ZNF717: variants seen among roughly 807,000 people sequenced by gnomAD.
ZNF717 encodes krueppel-like factor X17.
ZNF717 carries 9 observed loss-of-function variants against 13.8 expected under a neutral mutation model. The ratio of observed to expected loss-of-function variants is 0.65; its 90% confidence interval spans 0.39 to 1.14. The LOEUF (loss-of-function observed/expected upper bound fraction) is 1.14. ZNF717 is among the 50% of genes most tolerant of loss of function. The pLI, the probability that ZNF717 is intolerant of heterozygous loss-of-function variation, is 0.01. For synonymous variants in ZNF717, 327 were observed against 364.1 expected, an observed-to-expected ratio of 0.90 and a Z score of 1.16; for missense variants, 1,040 against 1,080.7, an observed-to-expected ratio of 0.96 and a Z score of 0.53.
intron 5 of ZNF717, among the ~76,000 whole-genome samples, chr3:75,713,156 A>G (rs1399297220): frequency 6.6e-6 from 1 of 151,908 alleles, no homozygotes; most frequent in Non-Finnish European, 1.5e-5. Flanking sequence ...AAATTTTATT[A>G]TTTTATTTTA....
downstream of ZNF717, chr3:75,732,039 G>C: frequency 1.4e-6 from 1 of 702,782 alleles, no homozygotes; most frequent in East Asian, 2.7e-5. Context: ...TTATGAGGGA[G>C]CATAATATTG....
downstream of ZNF717, among the ~76,000 whole-genome samples, chr3:75,728,171 AC>A (rs1311320506): frequency 6.6e-6 from 1 of 152,262 alleles, no homozygotes. Flanking sequence ...TATGATGTTC[AC>A]AAAACAAAAA....
chr3:75,720,778 T>C (rs1938152740), intron 4 of ZNF717, among the ~76,000 whole-genome samples: 1 of 151,980 alleles, frequency 6.6e-6, no homozygotes, highest in Non-Finnish European at 1.5e-5. Flanking sequence ...AGGCCAGGAG[T>C]TCAAGGCCAG....
chr3:75,774,510 A>G (rs1190857886), intron 2 of ZNF717, among the ~76,000 whole-genome samples: 1 of 152,132 alleles, frequency 6.6e-6, no homozygotes, highest in Non-Finnish European at 1.5e-5. Flanking sequence ...CGTGGGAAGC[A>G]CTGTCAAAAT....
chr3:75,739,988 G>A (rs1269016862), intron 4 of ZNF717, among the ~76,000 whole-genome samples: 1 of 152,222 alleles, frequency 6.6e-6, no homozygotes, highest in South Asian at 2.1e-4. Flanking sequence ...CTGCTTCCCA[G>A]AACCATAATA....
intron 2 of ZNF717, among the ~76,000 whole-genome samples, chr3:75,766,721 CCAAGA>C (rs1277720948): frequency 1.3e-5 from 2 of 152,262 alleles, no homozygotes; most frequent in Non-Finnish European, 2.9e-5. Context: ...TTGAGCACTA[CCAAGA>C]CAGACTGTAT....
At chr3:75,695,321 C>T (rs1206808409) in intron 6 of ZNF717, among the ~76,000 whole-genome samples, 2 of 152,402 alleles carry the variant, frequency 1.3e-5, no homozygotes, top group Non-Finnish European at 2.9e-5. Flanking sequence ...ACTAAAGCAC[C>T]TAGATAAATA....
chr3:75,765,951 A>T (rs1242139478), intron 2 of ZNF717, among the ~76,000 whole-genome samples: 1 of 152,156 alleles, frequency 6.6e-6, no homozygotes, highest in Non-Finnish European at 1.5e-5. Flanking sequence ...TCTACAAAAA[A>T]TATAAAAATT....
intron 4 of ZNF717, among the ~76,000 whole-genome samples, chr3:75,722,446 T>C (rs79119436): frequency 1.3e-5 from 2 of 152,142 alleles, no homozygotes; most frequent in Admixed American, 1.3e-4. Context: ...TGTTGCAATA[T>C]GTTGTTTTGA....
chr3:75,721,293 T>C (rs1485610060), intron 4 of ZNF717, among the ~76,000 whole-genome samples: 24 of 152,204 alleles, frequency 1.6e-4, no homozygotes, highest in Non-Finnish European at 1.5e-4. Flanking sequence ...TTTATTTATT[T>C]ATTTTTCAGA....
At chr3:75,778,162 T>C (rs924428186) in intron 2 of ZNF717, among the ~76,000 whole-genome samples, 1 of 150,240 alleles carries the variant, frequency 6.7e-6, no homozygotes, top group African/African-American at 2.5e-5. Context: ...CCCAAAACAA[T>C]GGGAGTGACC....
chr3:75,732,323 A>AC (rs2106921845), downstream of ZNF717, among the ~76,000 whole-genome samples: 1 of 152,376 alleles, frequency 6.6e-6, no homozygotes, highest in East Asian at 1.9e-4. Context: ...ACAGAGAAAC[A>AC]CATGTGAAGT....
chr3:75,708,999 TTTC>T (rs1265554870), downstream of ZNF717, among the ~76,000 whole-genome samples: 9 of 120,590 alleles, frequency 7.5e-5, no homozygotes, highest in Non-Finnish European at 1.2e-4. Flanking sequence ...TTTTTTTCTT[TTTC>T]TTTTCTTTTT....
At chr3:75,764,278 T>TCC (rs1457363889) in intron 2 of ZNF717, among the ~76,000 whole-genome samples, 3 of 152,150 alleles carry the variant, frequency 2.0e-5, no homozygotes, top group African/African-American at 7.2e-5. Flanking sequence ...ACACAAATCC[T>TCC]CCATGGTCAG....
At chr3:75,721,110 A>G (rs1332429129) in intron 4 of ZNF717, among the ~76,000 whole-genome samples, 5 of 152,320 alleles carry the variant, frequency 3.3e-5, no homozygotes, top group Non-Finnish European at 5.9e-5. Flanking sequence ...AACTAAATAT[A>G]AAGTTAATAT....
At chr3:75,752,091 G>C (rs1941882820) in intron 2 of ZNF717, among the ~76,000 whole-genome samples, 1 of 150,516 alleles carries the variant, frequency 6.6e-6, no homozygotes, top group African/African-American at 2.5e-5. Flanking sequence ...CCCTCACATA[G>C]GACTCTAGAA....
chr3:75,730,676 C>T (rs376655351), intron 5 of ZNF717: 1 of 692,980 alleles, frequency 1.4e-6, no homozygotes, highest in East Asian at 2.7e-5. Flanking sequence ...ATCCATCAGA[C>T]CAAATGAACC....
intron 2 of ZNF717, among the ~76,000 whole-genome samples, chr3:75,767,590 T>C (rs1246373970): frequency 6.6e-6 from 1 of 152,030 alleles, no homozygotes; most frequent in African/African-American, 2.4e-5. Context: ...TGAAGGACAG[T>C]GAGAAAATGT....
chr3:75,737,550 T>C lies in ZNF717; in HGVS notation c.2073A>G (p.Leu691=), dbSNP rs1176866589. The change falls in exon 5 of 5, where the codon TTA becomes TTG. Residue 691 remains leucine, a synonymous_variant. Coordinates refer to ENST00000652011, the MANE Select transcript of ZNF717 (RefSeq NM_001290208.3). ...TCCCCGGTGTGAGTTCTCTGATGTATAATAAGGTATGATTTCTGACAAAAA... is the reference window on the plus strand; with the variant it reads ...TCCCCGGTGTGAGTTCTCTGATGTACAATAAGGTATGATTTCTGACAAAAA... The part of the protein sequence containing the change: ...EKLFVRNHTL[L]YIRELTPGKS... The C allele has an allele frequency of 8.4e-6, 13 of 1,551,648 alleles. No homozygotes were observed. The African/African-American group carries it at 1.1e-4, about 13-fold the overall frequency.
Sources: gnomAD v4.1 joint callset for allele counts (sites outside exome capture counted in the v4.1 genomes callset) on GRCh38, gnomAD v4.1.1 for gene constraint, MANE v1.5 for transcripts, NCBI Gene and HGNC (gene_info 2026-07-23, HGNC 2026-07-21) for gene names.